IL1RAPL2: variants seen among roughly 807,000 people sequenced by gnomAD.
IL1RAPL2 encodes interleukin 1 receptor accessory protein like 2, also known as X-linked interleukin-1 receptor accessory protein-like 2.
Under a neutral mutation model 44.1 loss-of-function variants are expected in IL1RAPL2, and 3 were observed. The observed-to-expected ratio is 0.07, with a 90% confidence interval of 0.03 to 0.18. IL1RAPL2 has a LOEUF of 0.18. Ranked by LOEUF, IL1RAPL2 falls within the 10% of genes least tolerant of loss-of-function variation. The pLI is 1.00. For missense variants in IL1RAPL2, 391 were observed against 496.4 expected (o/e 0.79, Z 2.02); for synonymous variants, 181 against 178.8 (o/e 1.01, Z -0.10).
chrX:104,673,424 T>C (rs1410726827), intron 2 of IL1RAPL2, among the ~76,000 whole-genome samples: 2 of 111,223 alleles, frequency 1.8e-5, no homozygotes, highest in Non-Finnish European at 3.8e-5. Context: ...GCGGCGTTAT[T>C]TCTGAGGGCT....
chrX:104,996,069 T>TC lies in IL1RAPL2; in HGVS notation c.83-199401dup, dbSNP rs946983979. Among the ~76,000 whole-genome samples the TC allele has an allele frequency of 2.5e-4, 28 of 111,534 alleles. No homozygotes were observed. The South Asian group carries it at 6.0e-3, about 24-fold the overall frequency. On this transcript the variant is annotated intron_variant, in intron 2 of 10. Transcript: ENST00000372582. Reference sequence around the variant, plus strand: ...GCAATACATAGTGTTATGCTTTTTTTCCCCCTATCAGAGTCATTCCCCAAA... The same window carrying TC: ...GCAATACATAGTGTTATGCTTTTTTTCCCCCCTATCAGAGTCATTCCCCAAA...
chrX:104,950,881 T>G lies in IL1RAPL2; in HGVS notation c.83-244594T>G, dbSNP rs986133701. Among the ~76,000 whole-genome samples, 4 of 110,877 alleles carry G rather than the reference T, an allele frequency of 3.6e-5. No individual in the cohort carries two copies. The South Asian group carries it at 1.5e-3, about 42-fold the overall frequency. On this transcript the variant is annotated intron_variant, in intron 2 of 10. Transcript: ENST00000372582. ...CGCCACCTCGCCCGGCTAATTCTGGTGCGCTGTTTTTTAAGCCCGTTTGAA... is the reference window on the plus strand; with the variant it reads ...CGCCACCTCGCCCGGCTAATTCTGGGGCGCTGTTTTTTAAGCCCGTTTGAA...
At chrX:104,968,236 G>T (rs1244733982) in intron 2 of IL1RAPL2, among the ~76,000 whole-genome samples, 3 of 111,539 alleles carry the variant, frequency 2.7e-5, no homozygotes, top group Non-Finnish European at 5.7e-5. Context: ...GAACATTAGA[G>T]AAAATGTTAA....
chrX:104,930,770 C>A lies in IL1RAPL2; in HGVS notation c.83-264705C>A, dbSNP rs1024460857. Among the ~76,000 whole-genome samples, 7 of 111,646 alleles carry A rather than the reference C, an allele frequency of 6.3e-5. 1 individual carries two copies. The Admixed American group carries it at 6.7e-4, about 11-fold the overall frequency. On this transcript the variant is annotated intron_variant, in intron 2 of 10. Coordinates refer to ENST00000372582, the MANE Select transcript of IL1RAPL2 (RefSeq NM_017416.2). ...CTTATGATGAGCTAGTATAGTTAGC[C>A]ATATTGCATTCATTAACTTATTAAA...
At chrX:105,333,386 T>C (rs370379951) in intron 5 of IL1RAPL2, among the ~76,000 whole-genome samples, 1 of 111,657 alleles carries the variant, frequency 9.0e-6, no homozygotes. Context: ...AGAGGTTAAA[T>C]CTAAGACCTC....
intron 6 of IL1RAPL2, among the ~76,000 whole-genome samples, chrX:105,713,230 C>T (rs1389333928): frequency 9.0e-6 from 1 of 111,645 alleles, no homozygotes; most frequent in Admixed American, 9.5e-5. Flanking sequence ...CCAGTGGGGA[C>T]TCTCTATCAG....
intron 5 of IL1RAPL2, among the ~76,000 whole-genome samples, chrX:105,462,355 T>C (rs1394501911): frequency 9.0e-6 from 1 of 111,447 alleles, no homozygotes; most frequent in Non-Finnish European, 1.9e-5. Context: ...AGTAATCTGA[T>C]GGTGATGAAT....
At chrX:105,144,910 T>G (rs2033165706) in intron 2 of IL1RAPL2, among the ~76,000 whole-genome samples, 1 of 111,148 alleles carries the variant, frequency 9.0e-6, no homozygotes, top group East Asian at 2.8e-4. Context: ...GTCAGGTACC[T>G]CTTCTTGCCC....
chrX:105,740,440 C>T (rs1417978346), intron 7 of IL1RAPL2, 106 bp from the exon 8 acceptor site: 2 of 772,084 alleles, frequency 2.6e-6, no homozygotes, highest in African/African-American at 4.2e-5. Context: ...TTCTCCACGC[C>T]CATCATCAGA....
intron 5 of IL1RAPL2, among the ~76,000 whole-genome samples, chrX:105,357,662 A>G (rs2035213401): frequency 9.0e-6 from 1 of 110,788 alleles, no homozygotes; most frequent in Admixed American, 9.7e-5. Flanking sequence ...TAAAAAAAAA[A>G]TCAGGACAGG....
chrX:105,148,222 C>G (rs980679003), intron 2 of IL1RAPL2, among the ~76,000 whole-genome samples: 1 of 111,065 alleles, frequency 9.0e-6, no homozygotes, highest in African/African-American at 3.3e-5. Flanking sequence ...ATGGACAGAG[C>G]TAATTAACAA....
Position 104,606,142 on chromosome X carries a change from C to T in IL1RAPL2, c.-20+39091C>T, listed in dbSNP as rs769951241. Among the ~76,000 whole-genome samples the T allele has an allele frequency of 7.1e-5, 8 of 112,244 alleles. No homozygotes were observed. The South Asian group carries it at 3.0e-3, about 42-fold the overall frequency. On this transcript the variant is annotated intron_variant, in intron 1 of 10. Transcript: ENST00000372582. ...CCAACATGTTCAAGTGGGCTTCATT[C>T]CTGGGATGCAAGTCTGGTTCAACAT...
chrX:104,942,440 G>A (rs1325010896), intron 2 of IL1RAPL2, among the ~76,000 whole-genome samples: 1 of 110,623 alleles, frequency 9.0e-6, no homozygotes, highest in Non-Finnish European at 1.9e-5. Flanking sequence ...GGATTCCTAG[G>A]TATTTTATTC....
intron 6 of IL1RAPL2, among the ~76,000 whole-genome samples, chrX:105,675,892 G>A (rs2037867521): frequency 9.0e-6 from 1 of 111,673 alleles, no homozygotes; most frequent in Admixed American, 9.5e-5. Context: ...GTCTTGGAGG[G>A]TGTATGTGTC....
intron 6 of IL1RAPL2, among the ~76,000 whole-genome samples, chrX:105,507,335 G>A (rs2147784572): frequency 8.9e-6 from 1 of 111,852 alleles, no homozygotes; most frequent in South Asian, 3.7e-4. Flanking sequence ...CTTGTTTACG[G>A]CCTCAGTGAA....
chrX:105,749,845 A>G (rs1186261747), intron 9 of IL1RAPL2, among the ~76,000 whole-genome samples: 1 of 112,086 alleles, frequency 8.9e-6, no homozygotes, highest in Admixed American at 9.5e-5. Flanking sequence ...AAATCATGGC[A>G]TGTAGCTTCT....
rs182915552 is a variant in IL1RAPL2 at position 105,267,673 on chromosome X, C to T, written c.697+132C>T. On this transcript the variant is annotated intron_variant, in intron 5 of 10. Transcript: ENST00000372582. Reference sequence around the variant, plus strand: ...GCCTGCAAATCAAATAGTTGAGAAACTTGCTATTAATAAGTTGTACTGAGT... The same window carrying T: ...GCCTGCAAATCAAATAGTTGAGAAATTTGCTATTAATAAGTTGTACTGAGT... 122 of 492,537 alleles carry T rather than the reference C, an allele frequency of 2.5e-4. No homozygotes were observed. In the East Asian group the frequency reaches 3.3e-3, roughly 13 times the overall value. The allele number at this position is 492,537 out of a possible 1,213,427, so 40.6% of individuals were successfully genotyped here.
intron 7 of IL1RAPL2, among the ~76,000 whole-genome samples, chrX:105,729,128 T>TATTG (rs1481954543): frequency 9.0e-6 from 1 of 111,597 alleles, no homozygotes; most frequent in Non-Finnish European, 1.9e-5. Context: ...CCCATTTACC[T>TATTG]ATTGATTGAC....
intron 2 of IL1RAPL2, among the ~76,000 whole-genome samples, chrX:105,138,831 C>T (rs2033100852): frequency 9.0e-6 from 1 of 111,324 alleles, no homozygotes; most frequent in Non-Finnish European, 1.9e-5. Flanking sequence ...CTTTCCACCT[C>T]TCTGCTGTCT....
Sources: allele counts gnomAD v4.1 joint callset (sites outside exome capture counted in the v4.1 genomes callset), GRCh38; gene constraint gnomAD v4.1.1; transcripts MANE v1.5; gene names NCBI Gene and HGNC (gene_info 2026-07-23, HGNC 2026-07-21).